Variants in CFAP221 observed in about 807,000 individuals in gnomAD.
CFAP221 encodes the protein cilia and flagella associated protein 221, also known as cilia- and flagella-associated protein 221.
CFAP221 carries 97 observed loss-of-function variants against 113.1 expected under a neutral mutation model. The observed-to-expected ratio is 0.86, with a 90% CI of 0.73 to 1.02. CFAP221 has a LOEUF of 1.02. CFAP221 is among the 50% of genes least tolerant of loss of function. The pLI is 0.00. For synonymous variants in CFAP221, 331 were observed against 354.4 expected (o/e 0.93, Z 0.74); for missense variants, 1,025 against 1,013.4 (o/e 1.01, Z -0.16).
At chr2:119,650,610 A>T (rs1271130562) in intron 22 of CFAP221, among the ~76,000 whole-genome samples, 2 of 152,228 alleles carry the variant, frequency 1.3e-5, no homozygotes, top group Admixed American at 6.5e-5. Context: ...TAATTATAAT[A>T]ACCAACACTC....
At chr2:119,609,461 C>A (rs1419786422) in intron 12 of CFAP221, among the ~76,000 whole-genome samples, 1 of 152,142 alleles carries the variant, frequency 6.6e-6, no homozygotes, top group Non-Finnish European at 1.5e-5. Flanking sequence ...CTTCTGAGAG[C>A]CATGAGTGAA....
chr2:119,624,218 C>T (rs962870051), intron 14 of CFAP221, among the ~76,000 whole-genome samples: 10 of 152,262 alleles, frequency 6.6e-5, no homozygotes, highest in Non-Finnish European at 1.2e-4. Flanking sequence ...AGTATATGAA[C>T]GGACACTTCT....
intron 19 of CFAP221, among the ~76,000 whole-genome samples, chr2:119,632,776 G>A (rs1215383894): frequency 3.3e-5 from 5 of 149,328 alleles, no homozygotes; most frequent in Non-Finnish European, 7.4e-5. Flanking sequence ...AAATTAATAA[G>A]GGAATTTAAC....
chr2:119,602,615 A>G, intron 8 of CFAP221: 2 of 985,312 alleles, frequency 2.0e-6, no homozygotes, highest in Non-Finnish European at 2.4e-6. Context: ...TAAAAATTCA[A>G]AGCAGCCTAA....
chr2:119,603,801 A>G (rs1461186426), intron 8 of CFAP221, among the ~76,000 whole-genome samples: 1 of 152,124 alleles, frequency 6.6e-6, no homozygotes, highest in Non-Finnish European at 1.5e-5. Context: ...AATAATTTCT[A>G]AAAAAAGAAA....
intron 22 of CFAP221, among the ~76,000 whole-genome samples, chr2:119,651,244 C>G (rs577220321): frequency 3.3e-5 from 5 of 152,316 alleles, no homozygotes; most frequent in African/African-American, 1.2e-4. Flanking sequence ...CAACAAAGCT[C>G]TAGGCCAGAG....
intron 8 of CFAP221, among the ~76,000 whole-genome samples, chr2:119,603,331 T>C (rs897994344): frequency 2.0e-5 from 3 of 152,080 alleles, no homozygotes; most frequent in African/African-American, 7.2e-5. Context: ...GCAGAGGTGG[T>C]GTCAAGGCTC....
At position 119,612,205 on chromosome 2, in the gene CFAP221, A is replaced by C. The variant is rs563138526; in HGVS notation, c.1311+463A>C. 1.2e-3 allele frequency among the ~76,000 whole-genome samples: 180 copies of C among 152,340 alleles called. 2 individuals carry two copies. Among genetic ancestry groups the C allele is most frequent in the South Asian group, 6.4e-3 (31 of 4,834 alleles). The stretch of plus-strand genomic sequence containing the variant: ...GTGCCTTACTGTTCTCAAATCTAAA[A>C]TGAGTACTGTGGCCCCATCCACCTG... On this transcript the variant is annotated intron_variant, in intron 13 of 23. Coordinates refer to ENST00000413369, the MANE Select transcript of CFAP221 (RefSeq NM_001271049.2).
At chr2:119,556,402 G>T (rs1422231929) in intron 3 of CFAP221, among the ~76,000 whole-genome samples, 1 of 152,068 alleles carries the variant, frequency 6.6e-6, no homozygotes, top group Non-Finnish European at 1.5e-5. Flanking sequence ...TTTCTCTGTT[G>T]ATCCAAATGA....
At chr2:119,610,874 C>A (rs139052089) in intron 12 of CFAP221, among the ~76,000 whole-genome samples, 1 of 152,152 alleles carries the variant, frequency 6.6e-6, no homozygotes, top group Non-Finnish European at 1.5e-5. Flanking sequence ...CTGCGGAGTA[C>A]GCAGTCCCCT....
intron 6 of CFAP221, among the ~76,000 whole-genome samples, chr2:119,564,223 A>G (rs1420116232): frequency 6.6e-6 from 1 of 152,120 alleles, no homozygotes; most frequent in Non-Finnish European, 1.5e-5. Flanking sequence ...CTTTTTCAGT[A>G]CAACCTGCTG....
intron 13 of CFAP221, among the ~76,000 whole-genome samples, chr2:119,614,607 C>G (rs1452589269): frequency 1.3e-5 from 2 of 152,140 alleles, no homozygotes; most frequent in Admixed American, 1.3e-4. Context: ...AGAACTAACT[C>G]ACTATCACGA....
At position 119,589,260 on chromosome 2, in the gene CFAP221, T is replaced by C. The variant is rs1031542454; in HGVS notation, c.631+2038T>C. 5.3e-5 allele frequency among the ~76,000 whole-genome samples: 8 copies of C among 152,368 alleles called. No homozygotes were observed. The East Asian group carries it at 9.6e-4, about 18-fold the overall frequency. On this transcript the variant is annotated intron_variant, in intron 7 of 23. Coordinates refer to ENST00000413369, the MANE Select transcript of CFAP221 (RefSeq NM_001271049.2). Reference sequence around the variant, plus strand: ...TGTATCAGTACATTGTTGGCTGTTATACTTTTGAGGTTCCAGAATTCCACC... The same window carrying C: ...TGTATCAGTACATTGTTGGCTGTTACACTTTTGAGGTTCCAGAATTCCACC...
At chr2:119,650,135 GTATT>G (rs200950541) in intron 22 of CFAP221, among the ~76,000 whole-genome samples, 1 of 152,220 alleles carries the variant, frequency 6.6e-6, no homozygotes, top group East Asian at 1.9e-4. Context: ...TCAAAAATAA[GTATT>G]TGTTGATTAC....
At chr2:119,576,966 TTCTC>T (rs1256429304) in intron 6 of CFAP221, among the ~76,000 whole-genome samples, 3 of 152,258 alleles carry the variant, frequency 2.0e-5, no homozygotes, top group Admixed American at 6.5e-5. Flanking sequence ...ACTTTCTTCC[TTCTC>T]TCTATGTGTA....
chr2:119,546,244 A>T lies in CFAP221; in HGVS notation c.113A>T (p.Glu38Val), dbSNP rs2579624. ...NLVEEPKKRK[E>V]VPNHLLESKV... Reference sequence around the variant, plus strand: ...GTGGAGGAGCCGAAAAAAAGAAAAGAAGTACCTAATCACCTCCTAGAATCA... The same window carrying T: ...GTGGAGGAGCCGAAAAAAAGAAAAGTAGTACCTAATCACCTCCTAGAATCA... Residue 38 changes from glutamate (E) to valine (V), a missense_variant, in exon 2 of 24, where the codon GAA becomes GTA. Physicochemically the swap from Glu to Val is moderately radical, Grantham distance 121 (BLOSUM62 -2). Coordinates refer to ENST00000413369, the MANE Select transcript of CFAP221 (RefSeq NM_001271049.2). 765,213 of 1,534,810 alleles carry T rather than the reference A, an allele frequency of 0.5. 193,481 individuals are homozygous for T. The highest frequency in any genetic ancestry group is 0.74 in the East Asian group (30,424 of 40,872).
chr2:119,598,037 T>C (rs2104652075), intron 7 of CFAP221, among the ~76,000 whole-genome samples: 1 of 152,350 alleles, frequency 6.6e-6, no homozygotes, highest in South Asian at 2.1e-4. Context: ...CTCCAGACTC[T>C]TTTCTGCCTC....
chr2:119,546,266 A>G lies in CFAP221; in HGVS notation c.135A>G (p.Glu45=), dbSNP rs1328229700. 3.3e-6 allele frequency: 5 copies of G among 1,533,660 alleles called. No individual in the cohort carries two copies. The highest frequency in any genetic ancestry group is 4.4e-6 in the Non-Finnish European group (5 of 1,146,200). ...AAGAAGTACCTAATCACCTCCTAGA[A>G]TCAAGTAAGTGGCTAGAAGACAGAT... ...KRKEVPNHLL[E]SKVYAKLVNN... The change falls in exon 2 of 24, where the codon GAA becomes GAG. Residue 45 remains glutamate, a synonymous_variant. Transcript: ENST00000413369.
chr2:119,602,967 A>G (rs1684469007), intron 8 of CFAP221, among the ~76,000 whole-genome samples: 1 of 152,212 alleles, frequency 6.6e-6, no homozygotes, highest in Non-Finnish European at 1.5e-5. Flanking sequence ...CTTATCTGGT[A>G]TACTCTTGAC....
Sources: gnomAD v4.1 joint callset for allele counts (sites outside exome capture counted in the v4.1 genomes callset) on GRCh38, gnomAD v4.1.1 for gene constraint, MANE v1.5 for transcripts, NCBI Gene and HGNC (gene_info 2026-07-23, HGNC 2026-07-21) for gene names.